The following PARP6 variants were observed in gnomAD, a reference collection of about 807,000 sequenced individuals.
PARP6 encodes the protein poly(ADP-ribose) polymerase family member 6.
PARP6 carries 27 observed loss-of-function variants against 92.0 expected under a neutral mutation model. The ratio of observed to expected loss-of-function variants is 0.29; its 90% CI spans 0.22 to 0.40. PARP6 has a LOEUF of 0.40. PARP6 is among the 10% of genes least tolerant of loss of function. The probability of loss-of-function intolerance (pLI) is 1.00; values close to 1 mark genes in which losing one functional copy is unlikely to be tolerated. For missense variants in PARP6, 501 were observed against 784.5 expected (o/e 0.64, Z 4.32); for synonymous variants, 272 against 281.2 (o/e 0.97, Z 0.33).
intron 15 of PARP6, chr15:72,253,775 T>C (rs1282021919): frequency 9.9e-6 from 6 of 607,000 alleles, no homozygotes; most frequent in Admixed American, 2.1e-5. Flanking sequence ...AAAAAGTTGA[T>C]TATAAATCAA....
chr15:72,269,772 G>T (rs1468033878), intron 2 of PARP6, among the ~76,000 whole-genome samples: 2 of 151,716 alleles, frequency 1.3e-5, no homozygotes, highest in Non-Finnish European at 1.5e-5. Flanking sequence ...GGTGGTGCAC[G>T]CCTGTAATCC....
At chr15:72,251,151 C>A in intron 17 of PARP6, 56 bp downstream of exon 17, 1 of 1,213,870 alleles carries the variant, frequency 8.2e-7, no homozygotes. Flanking sequence ...GGCTTCCAGC[C>A]CCTCCCTGCC....
At chr15:72,243,571 C>T (rs2083293404) in intron 20 of PARP6, 1 of 152,200 alleles carries the variant, frequency 6.6e-6, no homozygotes, top group Admixed American at 6.5e-5. Context: ...AAACTCTCTA[C>T]CTTCCTTACC....
intron 15 of PARP6, 125 bp from the exon 16 acceptor site, chr15:72,253,629 A>G: frequency 1.3e-6 from 1 of 764,380 alleles, no homozygotes; most frequent in Non-Finnish European, 2.3e-6. Context: ...CAGAGGAAAA[A>G]GGAGATAGGG....
intron 14 of PARP6, 46 bp downstream of exon 14, chr15:72,256,418 CT>C: frequency 1.4e-6 from 2 of 1,446,594 alleles, no homozygotes; most frequent in African/African-American, 1.5e-5. Flanking sequence ...CTGCCACTAT[CT>C]TTTATCATTT....
At chr15:72,254,658 T>C (rs1343405011) in intron 14 of PARP6, 138 bp from the exon 15 acceptor site, 21 of 646,610 alleles carry the variant, frequency 3.2e-5, no homozygotes, top group Middle Eastern at 4.2e-4. Flanking sequence ...AGCATTAATG[T>C]CAGACAGTTC....
At chr15:72,256,611 A>T in intron 13 of PARP6, 21 bp from the exon 14 acceptor site, 1 of 1,508,516 alleles carries the variant, frequency 6.6e-7, no homozygotes, top group South Asian at 1.3e-5. Context: ...AGGAAAAAAA[A>T]CAGGGCAGAA....
intron 4 of PARP6, among the ~76,000 whole-genome samples, chr15:72,266,495 A>AAAAC (rs2086608430): frequency 6.6e-6 from 1 of 151,996 alleles, no homozygotes; most frequent in African/African-American, 2.4e-5. Context: ...TAAAAGTCAG[A>AAAAC]AAATAATTAT....
intron 8 of PARP6, among the ~76,000 whole-genome samples, chr15:72,262,502 A>G (rs2086027006): frequency 6.6e-6 from 1 of 152,142 alleles, no homozygotes; most frequent in African/African-American, 2.4e-5. Context: ...CCTTTCCCAA[A>G]GTCAACAAAA....
chr15:72,256,377 C>T lies in PARP6; in HGVS notation c.1125+88G>A, dbSNP rs2085132695. 4 of 1,110,378 alleles carry T rather than the reference C, an allele frequency of 3.6e-6. No homozygotes were observed. In the East Asian group the frequency reaches 8.7e-5, roughly 24 times the overall value. The allele number at this position is 1,110,378 out of a possible 1,614,324, so 68.8% of individuals were successfully genotyped here. On this transcript the variant is annotated intron_variant, in intron 14 of 23. Transcript: ENST00000569795. ...TAAGAATTCTGTCCCTTATTCCAAG[C>T]CCTGTATATACCAGAATGTCAGCCC...
At chr15:72,253,887 C>T (rs2084702709) in intron 15 of PARP6, 1 of 442,796 alleles carries the variant, frequency 2.3e-6, no homozygotes, top group Non-Finnish European at 4.5e-6. Flanking sequence ...ATCATTCCTC[C>T]TAGGTGTATC....
intron 16 of PARP6, among the ~76,000 whole-genome samples, chr15:72,253,123 C>G (rs919192855): frequency 4.7e-5 from 7 of 150,508 alleles, no homozygotes; most frequent in Non-Finnish European, 1.0e-4. Context: ...TACAGTGAAC[C>G]ATGATCGCAC....
chr15:72,264,779 G>A (rs192246341), intron 7 of PARP6, among the ~76,000 whole-genome samples, 158 bp from the exon 8 acceptor site: 194 of 152,330 alleles, frequency 1.3e-3, no homozygotes, highest in Admixed American at 4.7e-3. Context: ...GGAGAGGGCA[G>A]ATTCTCGAAG....
rs1484489481 is a variant in PARP6, at chr15:72,265,948, G to C, written c.125C>G (p.Ala42Gly). ...GATCTCCTTCACGGCTTCAATGTCT[G>C]CATCAAGCTGTGGGTGTCGATACAG... ...ADLYRHPQLD[A>G]DIEAVKEIYS... Residue 42 changes from alanine (A) to glycine (G), a missense_variant, in exon 5 of 24, where the codon GCA becomes GGA. Ala to Gly is a moderately conservative substitution (Grantham distance 60). Around this residue, in one of 4 missense-constraint regions of PARP6, gnomAD observed 291 missense variants for 352.0 expected, o/e 0.83. Coordinates refer to ENST00000569795, the MANE Select transcript of PARP6 (RefSeq NM_001323532.2). 6.2e-7 allele frequency: 1 copy of C among 1,613,790 alleles called. No individual in the cohort carries two copies. Among genetic ancestry groups the C allele is most frequent in the South Asian group, 1.1e-5 (1 of 91,084 alleles).
chr15:72,267,714 G>T (rs2086783033), intron 2 of PARP6, 43 bp from the exon 3 acceptor site: 4 of 543,370 alleles, frequency 7.4e-6, no homozygotes, highest in Non-Finnish European at 1.3e-5. Context: ...CCACTTAATA[G>T]CTGGGTGGTG....
At chr15:72,248,591 A>G (rs1388320416) in intron 20 of PARP6, among the ~76,000 whole-genome samples, 1 of 152,178 alleles carries the variant, frequency 6.6e-6, no homozygotes, top group African/African-American at 2.4e-5. Flanking sequence ...TGGTGACTAT[A>G]CCTTGTACAG....
intron 14 of PARP6, 42 bp from the exon 15 acceptor site, chr15:72,254,562 A>T (rs1328709742): frequency 6.8e-7 from 1 of 1,479,944 alleles, no homozygotes; most frequent in Admixed American, 1.7e-5. Flanking sequence ...AATAAAGAAA[A>T]GTAGAGGAAA....
rs1356889779 is a variant in PARP6 at position 72,257,237 on chromosome 15, G to T, written c.999+111C>A. Reference sequence around the variant, plus strand: ...TTATTTTACAAACAATACTACAGTGGTTATCTTATATACAAAAGCATTTTT... The same window carrying T: ...TTATTTTACAAACAATACTACAGTGTTTATCTTATATACAAAAGCATTTTT... On this transcript the variant is annotated intron_variant, in intron 13 of 23. Transcript: ENST00000569795. 7 of 771,494 alleles carry T rather than the reference G, an allele frequency of 9.1e-6. No homozygotes were observed. In the East Asian group the frequency reaches 1.7e-4, roughly 19 times the overall value. 47.8% of individuals were successfully genotyped at this position (771,494 alleles called of 1,614,324 possible).
intron 20 of PARP6, chr15:72,243,536 T>C (rs996058325): frequency 6.6e-6 from 1 of 152,234 alleles, no homozygotes; most frequent in African/African-American, 2.4e-5. Flanking sequence ...CCATTCCTTC[T>C]AGTTTCCACA....
Sources: gnomAD v4.1 joint callset for allele counts (sites outside exome capture counted in the v4.1 genomes callset) on GRCh38, gnomAD v4.1.1 for gene constraint, gnomAD v4.1.1 regional missense constraint, MANE v1.5 for transcripts, NCBI Gene and HGNC (gene_info 2026-07-23, HGNC 2026-07-21) for gene names.